The following NF1 variants were observed in gnomAD, a reference collection of about 807,000 sequenced individuals.
NF1 encodes the protein neurofibromin.
In NF1, 122 loss-of-function variants were observed where a neutral mutation model predicts 325.7. The observed-to-expected ratio is 0.37, with a 90% CI of 0.32 to 0.44. The LOEUF is 0.44. NF1 is among the 20% of genes least tolerant of loss of function. NF1 has a pLI of 1.00. For missense variants in NF1, 2,140 were observed against 3,415.4 expected (o/e 0.63, Z 9.31); for synonymous variants, 1,091 against 1,186.0 (o/e 0.92, Z 1.65).
intron 5 of NF1, among the ~76,000 whole-genome samples, chr17:31,180,728 A>T (rs1321245395): frequency 6.6e-6 from 1 of 152,182 alleles, no homozygotes; most frequent in African/African-American, 2.4e-5. Context: ...TCAAACTAAT[A>T]TTGGAAGTTC....
rs2151539000 is a variant in NF1, at chr17:31,326,220, C to G, written c.5236C>G (p.Leu1746Val). ...DLKVFHNALK[L>V]AHKDTKVSIK... ...GAAGGTATTCCACAATGCTCTCAAG[C>G]TAGCTCACAAAGACACCAAAGTTTC... is the stretch of plus-strand genomic sequence containing the variant. The change falls in exon 37 of 58, where the codon CTA becomes GTA. Residue 1746 changes from leucine (L) to valine (V), a missense_variant. By Grantham distance (32) the Leu-to-Val change is conservative. This residue lies in a region of NF1 where 147 missense variants were observed against 186.7 expected (regional missense o/e 0.79). Transcript: ENST00000358273. 1 of 1,611,792 alleles carries G rather than the reference C, an allele frequency of 6.2e-7. No homozygotes were observed. Among genetic ancestry groups the G allele is most frequent in the Non-Finnish European group, 8.5e-7 (1 of 1,180,014 alleles).
intron 1 of NF1, among the ~76,000 whole-genome samples, chr17:31,095,843 A>T (rs2952994): frequency 0.54 from 81,430 of 151,882 alleles, 25,936 homozygotes; most frequent in Middle Eastern, 0.75. Context: ...ATATACCCTC[A>T]ATAGGAGAAC....
intron 57 of NF1, among the ~76,000 whole-genome samples, chr17:31,364,074 A>G (rs1043208253): frequency 6.6e-6 from 1 of 152,168 alleles, no homozygotes; most frequent in Non-Finnish European, 1.5e-5. Context: ...GTTTGCTTAT[A>G]TCAAAAAACC....
Position 31,233,098 on chromosome 17 carries a change from A to G in NF1, c.3593A>G (p.Glu1198Gly). The G allele has an allele frequency of 6.2e-7, 1 of 1,614,214 alleles. No homozygotes were observed. Among genetic ancestry groups the G allele is most frequent in the East Asian group, 2.2e-5 (1 of 44,884 alleles). ...QQGTEFDTLA[E>G]TVLADRFERL... ...GGCACAGAATTTGACACACTTGCAG[A>G]AACAGTATTGGCTGATCGGTTTGAG... Residue 1198 changes from glutamate (E) to glycine (G), a missense_variant, in exon 27 of 58, where the codon GAA becomes GGA. Physicochemically the swap from Glu to Gly is moderately conservative, Grantham distance 98. Transcript: ENST00000358273.
chr17:31,128,980 T>C (rs1014231583), intron 1 of NF1, among the ~76,000 whole-genome samples: 3 of 152,156 alleles, frequency 2.0e-5, no homozygotes, highest in African/African-American at 7.2e-5. Context: ...CTGACTTGTA[T>C]AGTTTCTACT....
At chr17:31,151,177 C>T (rs1475614451) in intron 1 of NF1, among the ~76,000 whole-genome samples, 1 of 152,108 alleles carries the variant, frequency 6.6e-6, no homozygotes, top group African/African-American at 2.4e-5. Context: ...GATACACAAA[C>T]ACCATGTGTT....
chr17:31,367,688 A>G (rs1429656182), intron 57 of NF1, among the ~76,000 whole-genome samples: 1 of 152,206 alleles, frequency 6.6e-6, no homozygotes, highest in Non-Finnish European at 1.5e-5. Context: ...CTGGCTGTCT[A>G]TTCAATCACC....
intron 39 of NF1, among the ~76,000 whole-genome samples, chr17:31,334,131 G>GA (rs1348006514): frequency 4.0e-5 from 6 of 151,636 alleles, no homozygotes; most frequent in Non-Finnish European, 5.9e-5. Context: ...CTCAAAATAT[G>GA]AAAAAAAATT....
chr17:31,202,396 A>G (rs1165729720), intron 11 of NF1, among the ~76,000 whole-genome samples: 1 of 152,078 alleles, frequency 6.6e-6, no homozygotes, highest in Non-Finnish European at 1.5e-5. Flanking sequence ...CCTTCACCTC[A>G]TTTGCCCTGG....
At chr17:31,186,307 T>C (rs1173073585) in intron 8 of NF1, among the ~76,000 whole-genome samples, 2 of 152,182 alleles carry the variant, frequency 1.3e-5, no homozygotes, top group Non-Finnish European at 2.9e-5. Flanking sequence ...TAGGGCCTGG[T>C]TCGCAGATGG....
chr17:31,370,832 G>A (rs991519353), intron 57 of NF1, among the ~76,000 whole-genome samples: 7 of 152,258 alleles, frequency 4.6e-5, no homozygotes, highest in South Asian at 2.1e-4. Flanking sequence ...CTGCATGCGG[G>A]CCAGCTCCAA....
chr17:31,293,062 C>T (rs567493367), intron 36 of NF1, among the ~76,000 whole-genome samples: 1 of 151,462 alleles, frequency 6.6e-6, no homozygotes, highest in African/African-American at 2.4e-5. Context: ...CCTGTAATCC[C>T]AGCTACTTGG....
At chr17:31,263,120 T>TAGATAAGATAAGATAAGATAAGATA (rs71142039) in intron 35 of NF1, among the ~76,000 whole-genome samples, 1 of 95,632 alleles carries the variant, frequency 1.0e-5, no homozygotes, top group African/African-American at 2.7e-5. Flanking sequence ...GATAGATAGA[T>TAGATAAGATAAGATAAGATAAGATA]AGATAAGATA....
At chr17:31,305,211 A>T (rs774439090) in intron 36 of NF1, 1 of 1,614,182 alleles carries the variant, frequency 6.2e-7, no homozygotes, top group Admixed American at 1.7e-5. Context: ...GTGTGGTAGA[A>T]GTACGGGCAG....
chr17:31,370,861 C>CGACA (rs1424418205), intron 57 of NF1, among the ~76,000 whole-genome samples: 1 of 152,126 alleles, frequency 6.6e-6, no homozygotes, highest in Non-Finnish European at 1.5e-5. Context: ...AAACCTTTGT[C>CGACA]TTTTTAAGGT....
rs1334511454 is a variant in NF1 at position 31,200,375 on chromosome 17, A to C, written c.889-47A>C. The C allele has an allele frequency of 2.5e-6, 4 of 1,577,180 alleles. No homozygotes were observed. The African/African-American group carries it at 5.4e-5, about 21-fold the overall frequency. Reference sequence around the variant, plus strand: ...CTATAATATTAGCTACATCTGGAATAGAAGAAACTTCATATATTATCTTAT... The same window carrying C: ...CTATAATATTAGCTACATCTGGAATCGAAGAAACTTCATATATTATCTTAT... On this transcript the variant is annotated intron_variant, in intron 8 of 57. Transcript: ENST00000358273.
intron 14 of NF1, among the ~76,000 whole-genome samples, chr17:31,220,558 G>T (rs2066904072): frequency 6.6e-6 from 1 of 152,068 alleles, no homozygotes; most frequent in African/African-American, 2.4e-5. Flanking sequence ...AGGAGAATGG[G>T]TTAATATTCA....
At chr17:31,318,557 A>G (rs2069088969) in intron 36 of NF1, 1 of 1,614,132 alleles carries the variant, frequency 6.2e-7, no homozygotes, top group Non-Finnish European at 8.5e-7. Flanking sequence ...GTTGATAGAA[A>G]TAGAAAGGTA....
intron 36 of NF1, among the ~76,000 whole-genome samples, chr17:31,285,605 T>A (rs2068211450): frequency 6.6e-6 from 1 of 152,124 alleles, no homozygotes; most frequent in South Asian, 2.1e-4. Flanking sequence ...CCCAGCACTT[T>A]GGGAGGCCAA....
Sources: gnomAD v4.1 joint callset for allele counts (sites outside exome capture counted in the v4.1 genomes callset) on GRCh38, gnomAD v4.1.1 for gene constraint, gnomAD v4.1.1 regional missense constraint, MANE v1.5 for transcripts, NCBI Gene and HGNC (gene_info 2026-07-23, HGNC 2026-07-21) for gene names.